NECTIN3: variants seen among roughly 807,000 people sequenced by gnomAD.
The protein encoded by NECTIN3 is nectin cell adhesion molecule 3.
In NECTIN3, 8 loss-of-function variants were observed where a neutral mutation model predicts 49.4. That is an observed-to-expected ratio of 0.16 (90% CI 0.10 to 0.29). NECTIN3 has a LOEUF of 0.29. Among genes scored for constraint, NECTIN3 ranks in the 10% least tolerant of loss-of-function variants. The probability of loss-of-function intolerance (pLI) is 1.00; values close to 1 mark genes in which losing one functional copy is unlikely to be tolerated. For missense variants in NECTIN3, 581 were observed against 654.6 expected (o/e 0.89, Z 1.23); for synonymous variants, 277 against 241.1 (o/e 1.15, Z -1.38).
At chr3:111,097,713 T>C (rs2032671680) in intron 1 of NECTIN3, among the ~76,000 whole-genome samples, 1 of 152,182 alleles carries the variant, frequency 6.6e-6, no homozygotes, top group Non-Finnish European at 1.5e-5. Context: ...CCATGTAAGA[T>C]GTGACTTTTC....
intron 1 of NECTIN3, among the ~76,000 whole-genome samples, chr3:111,086,100 A>T (rs1392737955): frequency 6.6e-6 from 1 of 152,120 alleles, no homozygotes; most frequent in Non-Finnish European, 1.5e-5. Context: ...CTCTTTTGTG[A>T]AGTGCCTGTT....
chr3:111,074,505 T>C (rs1208472757), intron 1 of NECTIN3, among the ~76,000 whole-genome samples: 1 of 152,158 alleles, frequency 6.6e-6, no homozygotes, highest in Non-Finnish European at 1.5e-5. Context: ...ATATGTTTGA[T>C]ATATAGCGTG....
downstream of NECTIN3, among the ~76,000 whole-genome samples, chr3:111,138,897 A>G (rs1271015602): frequency 2.0e-5 from 3 of 151,772 alleles, no homozygotes; most frequent in East Asian, 5.8e-4. Context: ...GGAAAACCTA[A>G]TTGTAAAGTG....
rs199677974 is a variant in NECTIN3 at position 111,072,090 on chromosome 3, C to G, written c.73C>G (p.Leu25Val). The change falls in exon 1 of 6, where the codon CTC becomes GTC. Residue 25 changes from leucine to valine, a missense_variant. Physicochemically the swap from Leu to Val is conservative, Grantham distance 32. Coordinates refer to ENST00000485303, the MANE Select transcript of NECTIN3 (RefSeq NM_015480.3). ...AGCACAACTTTCCTCCGCTTCTCTC[C>G]TCGGAGCCGGGCTCCTGCTGCAGCC... is the stretch of plus-strand genomic sequence containing the variant. ...GKAQLSSASL[L>V]GAGLLLQPPT... The G allele has an allele frequency of 5.0e-4, 769 of 1,549,566 alleles. 5 individuals are homozygous for G. The African/African-American group carries it at 9.2e-3, about 19-fold the overall frequency.
At chr3:111,181,895 C>A (rs925111723) in intron 7 of NECTIN3, among the ~76,000 whole-genome samples, 1 of 151,906 alleles carries the variant, frequency 6.6e-6, no homozygotes, top group African/African-American at 2.4e-5. Flanking sequence ...TTTTTTTCTA[C>A]TTCCTTTGGA....
At chr3:111,076,499 A>G (rs1303188719) in intron 1 of NECTIN3, among the ~76,000 whole-genome samples, 1 of 152,136 alleles carries the variant, frequency 6.6e-6, no homozygotes, top group Non-Finnish European at 1.5e-5. Flanking sequence ...TTTGTGTACC[A>G]TGCACACAGA....
intron 1 of NECTIN3, among the ~76,000 whole-genome samples, chr3:111,092,094 A>C (rs990318275): frequency 7.9e-5 from 12 of 152,198 alleles, no homozygotes; most frequent in African/African-American, 2.7e-4. Flanking sequence ...TGTTCTCTGA[A>C]GGCATGTCAG....
chr3:111,132,934 G>A (rs1263115753), intron 5 of NECTIN3, among the ~76,000 whole-genome samples: 2 of 151,650 alleles, frequency 1.3e-5, no homozygotes, highest in Non-Finnish European at 3.0e-5. Context: ...AGCCTATCAG[G>A]CTAACATAAG....
At chr3:111,117,048 A>G (rs575430743) in intron 2 of NECTIN3, among the ~76,000 whole-genome samples, 1 of 152,272 alleles carries the variant, frequency 6.6e-6, no homozygotes, top group East Asian at 1.9e-4. Context: ...TTCAGATGAA[A>G]CAGGAACTCC....
chr3:111,133,805 C>A lies in NECTIN3; in HGVS notation c.1240C>A (p.Leu414Ile). 1.2e-6 allele frequency: 2 copies of A among 1,613,932 alleles called. No homozygotes were observed. The highest frequency in any genetic ancestry group is 1.7e-6 in the Non-Finnish European group (2 of 1,179,878). ...CATTGCTAGTGTAGTGGGTGGGGCT[C>A]TCTTCATAGTACTTGTAAGTGTTTT... is the stretch of plus-strand genomic sequence containing the variant. ...TIIASVVGGA[L>I]FIVLVSVLAG... is the part of the protein sequence containing the mutation. The change falls in exon 6 of 6, where the codon CTC becomes ATC. Residue 414 changes from leucine to isoleucine, a missense_variant. By Grantham distance (5) the Leu-to-Ile change is conservative (BLOSUM62 2). Transcript: ENST00000485303.
intron 7 of NECTIN3, among the ~76,000 whole-genome samples, chr3:111,167,655 C>T (rs945136823): frequency 2.0e-5 from 3 of 151,990 alleles, no homozygotes; most frequent in African/African-American, 7.3e-5. Context: ...AGAGACTATG[C>T]TGGGGATTGG....
chr3:111,131,933 T>A (rs1279700878), intron 5 of NECTIN3, among the ~76,000 whole-genome samples: 1 of 151,876 alleles, frequency 6.6e-6, no homozygotes, highest in Admixed American at 6.6e-5. Context: ...TTTATTATAT[T>A]TTTTTCTTTG....
chr3:111,190,350 A>C (rs772532501), upstream of NECTIN3, among the ~76,000 whole-genome samples: 20 of 152,372 alleles, frequency 1.3e-4, no homozygotes, highest in Admixed American at 7.8e-4. Context: ...ATGATAGTTT[A>C]GATTCTAATA....
upstream of NECTIN3, among the ~76,000 whole-genome samples, chr3:111,191,197 A>G (rs567103766): frequency 1.3e-5 from 2 of 152,330 alleles, no homozygotes; most frequent in African/African-American, 4.8e-5. Flanking sequence ...ACAAAGCCAC[A>G]TTTGAATCAC....
intron 1 of NECTIN3, among the ~76,000 whole-genome samples, chr3:111,098,957 A>G (rs1406824746): frequency 6.6e-6 from 1 of 152,104 alleles, no homozygotes; most frequent in Non-Finnish European, 1.5e-5. Context: ...TGAGCAAACA[A>G]ACTTAATTAA....
intron 7 of NECTIN3, among the ~76,000 whole-genome samples, chr3:111,186,086 A>C (rs1416473245): frequency 1.3e-5 from 2 of 152,182 alleles, no homozygotes; most frequent in African/African-American, 2.4e-5. Flanking sequence ...CAGTGAGTGC[A>C]CATTAAAATA....
intron 5 of NECTIN3, among the ~76,000 whole-genome samples, chr3:111,131,661 T>A (rs1291037187): frequency 6.6e-6 from 1 of 151,890 alleles, no homozygotes; most frequent in African/African-American, 2.4e-5. Context: ...TTTTGTTAAA[T>A]CTGAGTGAAA....
At chr3:111,118,284 T>TATATAAA (rs1559789405) in intron 2 of NECTIN3, among the ~76,000 whole-genome samples, 1 of 49,530 alleles carries the variant, frequency 2.0e-5, no homozygotes, top group Non-Finnish European at 5.3e-5. Context: ...ATATATATAT[T>TATATAAA]ATACATATAT....
At chr3:111,115,965 A>C (rs2033676290) in intron 2 of NECTIN3, among the ~76,000 whole-genome samples, 1 of 152,182 alleles carries the variant, frequency 6.6e-6, no homozygotes, top group Non-Finnish European at 1.5e-5. Flanking sequence ...GATTGGGAGG[A>C]TAAAATAATT....
Sources: allele counts gnomAD v4.1 joint callset (sites outside exome capture counted in the v4.1 genomes callset), GRCh38; gene constraint gnomAD v4.1.1; transcripts MANE v1.5; gene names NCBI Gene and HGNC (gene_info 2026-07-23, HGNC 2026-07-21).